TINAG: variants seen among roughly 807,000 people sequenced by gnomAD.
The protein encoded by TINAG is tubulointerstitial nephritis antigen.
Under a neutral mutation model 72.7 loss-of-function variants are expected in TINAG, and 83 were observed. The ratio of observed to expected loss-of-function variants is 1.14; its 90% CI spans 0.96 to 1.37. TINAG has a LOEUF of 1.37. Among genes scored for constraint, TINAG ranks in the 40% most tolerant of loss-of-function variants. The probability of loss-of-function intolerance (pLI) is 0.00; values close to 1 mark genes in which losing one functional copy is unlikely to be tolerated. For missense variants in TINAG, 685 were observed against 576.6 expected, an observed-to-expected ratio of 1.19 and a Z score of -1.93; for synonymous variants, 234 against 189.9, an observed-to-expected ratio of 1.23 and a Z score of -1.91.
intron 8 of TINAG, among the ~76,000 whole-genome samples, chr6:54,353,613 C>A (rs1257100018): frequency 6.6e-6 from 1 of 151,684 alleles, no homozygotes; most frequent in African/African-American, 2.4e-5. Flanking sequence ...ACTATTTGCA[C>A]AGCATCAGAA....
At chr6:54,334,492 T>C (rs1003178010) in intron 4 of TINAG, among the ~76,000 whole-genome samples, 2 of 152,184 alleles carry the variant, frequency 1.3e-5, no homozygotes, top group African/African-American at 4.8e-5. Context: ...GTTTATGAAG[T>C]AGTTGTGTAT....
chr6:54,386,350 C>T (rs2150986102), intron 10 of TINAG, among the ~76,000 whole-genome samples: 1 of 152,248 alleles, frequency 6.6e-6, no homozygotes, highest in South Asian at 2.1e-4. Context: ...GAGCTGGATC[C>T]TCTGCTCATG....
intron 9 of TINAG, among the ~76,000 whole-genome samples, chr6:54,360,963 C>T (rs773634296): frequency 1.2e-4 from 17 of 141,516 alleles, no homozygotes; most frequent in Non-Finnish European, 2.3e-4. Context: ...CTCTGTGTTA[C>T]ATTTTGGTAA....
intron 10 of TINAG, among the ~76,000 whole-genome samples, chr6:54,387,557 C>T (rs1381123891): frequency 1.3e-5 from 2 of 152,008 alleles, no homozygotes; most frequent in African/African-American, 4.8e-5. Flanking sequence ...GGTGGATGGA[C>T]AGGAAGGCAA....
chr6:54,358,935 G>A (rs763834059), intron 9 of TINAG, among the ~76,000 whole-genome samples: 1 of 151,794 alleles, frequency 6.6e-6, no homozygotes, highest in Non-Finnish European at 1.5e-5. Flanking sequence ...TTTCTAGACT[G>A]CATTATGTAC....
intron 1 of TINAG, among the ~76,000 whole-genome samples, chr6:54,315,691 A>AT (rs1784356997): frequency 1.3e-5 from 1 of 74,208 alleles, no homozygotes; most frequent in Non-Finnish European, 3.5e-5. Context: ...AAAAAAAAAA[A>AT]GTAAAAAAAT....
chr6:54,309,309 G>A (rs1273434814), intron 1 of TINAG, among the ~76,000 whole-genome samples: 10 of 152,234 alleles, frequency 6.6e-5, no homozygotes, highest in African/African-American at 2.2e-4. Flanking sequence ...TTTCCTATCC[G>A]TAGATTTTAG....
intron 4 of TINAG, among the ~76,000 whole-genome samples, chr6:54,334,775 A>T (rs1357709327): frequency 1.3e-5 from 2 of 152,144 alleles, no homozygotes; most frequent in Non-Finnish European, 2.9e-5. Context: ...TAGAATTCCA[A>T]TATAGCGTTG....
intron 1 of TINAG, among the ~76,000 whole-genome samples, chr6:54,319,859 G>C (rs1218301222): frequency 2.0e-5 from 3 of 152,100 alleles, no homozygotes; most frequent in Admixed American, 2.0e-4. Flanking sequence ...AATTTGAGCA[G>C]ATTATATTTT....
chr6:54,389,124 A>G (rs1764177726), intron 10 of TINAG, among the ~76,000 whole-genome samples: 1 of 151,888 alleles, frequency 6.6e-6, no homozygotes, highest in Non-Finnish European at 1.5e-5. Context: ...CTGTCTCGTG[A>G]TCTAACTATA....
At chr6:54,363,211 C>T (rs755624905) in intron 9 of TINAG, among the ~76,000 whole-genome samples, 11 of 151,318 alleles carry the variant, frequency 7.3e-5, no homozygotes, top group Non-Finnish European at 1.6e-4. Context: ...AGATTTTTGT[C>T]GAGGATGTTA....
At chr6:54,338,035 C>G (rs946606942) in intron 4 of TINAG, among the ~76,000 whole-genome samples, 4 of 152,180 alleles carry the variant, frequency 2.6e-5, no homozygotes, top group African/African-American at 9.7e-5. Context: ...ACTTCTGTCT[C>G]TCTCAGAATG....
intron 4 of TINAG, among the ~76,000 whole-genome samples, chr6:54,329,645 G>A (rs1272693830): frequency 2.0e-5 from 3 of 151,978 alleles, no homozygotes; most frequent in African/African-American, 4.8e-5. Context: ...ATGTAAATGG[G>A]CTAAATTCCC....
At chr6:54,353,530 C>T (rs1785317870) in intron 8 of TINAG, among the ~76,000 whole-genome samples, 1 of 151,770 alleles carries the variant, frequency 6.6e-6, no homozygotes, top group Admixed American at 6.6e-5. Context: ...GCGTAAAGTA[C>T]AGTTACATAA....
At chr6:54,386,588 C>G (rs1384653805) in intron 10 of TINAG, among the ~76,000 whole-genome samples, 1 of 152,054 alleles carries the variant, frequency 6.6e-6, no homozygotes, top group African/African-American at 2.4e-5. Context: ...CAACAGAGTA[C>G]CTTACATCTT....
At chr6:54,332,393 G>T (rs1784762647) in intron 4 of TINAG, among the ~76,000 whole-genome samples, 1 of 152,166 alleles carries the variant, frequency 6.6e-6, no homozygotes, top group African/African-American at 2.4e-5. Context: ...AATAAATGGT[G>T]CTGGGAAAAC....
chr6:54,365,539 G>A (rs1186427431), intron 9 of TINAG: 1 of 151,466 alleles, frequency 6.6e-6, no homozygotes, highest in Non-Finnish European at 1.5e-5. Context: ...ATGAAGAAGA[G>A]CATAAGGAAG....
chr6:54,358,493 T>C (rs1194323943), intron 9 of TINAG, among the ~76,000 whole-genome samples: 1 of 151,006 alleles, frequency 6.6e-6, no homozygotes, highest in Non-Finnish European at 1.5e-5. Flanking sequence ...GCACTAGTTT[T>C]CCTTTGCTGT....
intron 9 of TINAG, among the ~76,000 whole-genome samples, chr6:54,366,130 T>C (rs553445715): frequency 6.6e-6 from 1 of 151,678 alleles, no homozygotes; most frequent in African/African-American, 2.4e-5. Context: ...CCTCATGAGG[T>C]GGGAATTATT....
Sources: gnomAD v4.1 joint callset for allele counts (sites outside exome capture counted in the v4.1 genomes callset) on GRCh38, gnomAD v4.1.1 for gene constraint, MANE v1.5 for transcripts, NCBI Gene and HGNC (gene_info 2026-07-23, HGNC 2026-07-21) for gene names.